MMP26: variants seen among roughly 807,000 people sequenced by gnomAD.
The protein encoded by MMP26 is matrix metallopeptidase 26.
MMP26 carries 33 observed loss-of-function variants against 31.0 expected under a neutral mutation model. That is an observed-to-expected ratio of 1.06 (90% confidence interval 0.81 to 1.42). The LOEUF is 1.42. MMP26 is among the 40% of genes most tolerant of loss of function. MMP26 has a pLI of 0.00. For missense variants in MMP26, 347 were observed against 316.1 expected (o/e 1.10, Z -0.74); for synonymous variants, 122 against 114.9 (o/e 1.06, Z -0.40).
intron 1 of MMP26, among the ~76,000 whole-genome samples, chr11:4,715,280 C>T (rs1027150151): frequency 3.4e-5 from 5 of 147,674 alleles, no homozygotes; most frequent in Non-Finnish European, 7.4e-5. Flanking sequence ...ATTTTAGATG[C>T]ATAAATATAA....
chr11:4,715,322 T>C (rs1006606744), intron 1 of MMP26, among the ~76,000 whole-genome samples: 1 of 126,370 alleles, frequency 7.9e-6, no homozygotes, highest in African/African-American at 3.0e-5. Context: ...TGTTATCAAA[T>C]AAAGTCTTTT....
At chr11:4,806,419 A>G (rs1343600617) in intron 2 of MMP26, among the ~76,000 whole-genome samples, 1 of 152,098 alleles carries the variant, frequency 6.6e-6, no homozygotes, top group Non-Finnish European at 1.5e-5. Flanking sequence ...TATTGGGTGC[A>G]TATATATTTA....
Position 4,990,659 on chromosome 11 carries a change from G to A in MMP26, c.382G>A (p.Val128Ile). 1 of 1,614,122 alleles carries A rather than the reference G, an allele frequency of 6.2e-7. No homozygotes were observed. Among genetic ancestry groups the A allele is most frequent in the East Asian group, 2.2e-5 (1 of 44,862 alleles). ...AGTGAAAGACAGTATATATAATGCAGTTTCCATCTGGAGCAATGTGACCCC... is the reference window on the plus strand; with the variant it reads ...AGTGAAAGACAGTATATATAATGCAATTTCCATCTGGAGCAATGTGACCCC... The part of the protein sequence containing the change: ...SAVKDSIYNA[V>I]SIWSNVTPLI... Residue 128 changes from valine (V) to isoleucine (I), a missense_variant, in exon 5 of 8, where the codon GTT becomes ATT. Coordinates refer to ENST00000380390, the MANE Select transcript of MMP26 (RefSeq NM_021801.5).
chr11:4,761,032 T>G (rs1848563899), intron 1 of MMP26, among the ~76,000 whole-genome samples: 1 of 152,040 alleles, frequency 6.6e-6, no homozygotes, highest in Admixed American at 6.6e-5. Flanking sequence ...ACCATAGAAG[T>G]GAACAAAACA....
intron 2 of MMP26, among the ~76,000 whole-genome samples, chr11:4,867,756 G>T (rs866613477): frequency 7.2e-5 from 11 of 152,034 alleles, no homozygotes; most frequent in African/African-American, 2.7e-4. Context: ...ATGCTGGCAA[G>T]GTTCTGAAGA....
intron 2 of MMP26, among the ~76,000 whole-genome samples, chr11:4,905,752 C>T (rs758561429): frequency 6.6e-6 from 1 of 152,026 alleles, no homozygotes; most frequent in Non-Finnish European, 1.5e-5. Flanking sequence ...ATTTGTGTTT[C>T]TCTGACAGTT....
chr11:4,908,200 T>G (rs768908669), intron 2 of MMP26: 40 of 1,614,094 alleles, frequency 2.5e-5, no homozygotes, highest in Non-Finnish European at 3.3e-5. Flanking sequence ...TTATTGCAGA[T>G]ATGTTCTTGT....
intron 2 of MMP26, among the ~76,000 whole-genome samples, chr11:4,810,946 A>C (rs1203901737): frequency 6.6e-6 from 1 of 152,240 alleles, no homozygotes; most frequent in African/African-American, 2.4e-5. Context: ...CAAAATACAA[A>C]GTGCAACATA....
At chr11:4,845,147 C>A (rs1180403676) in intron 2 of MMP26, among the ~76,000 whole-genome samples, 1 of 151,992 alleles carries the variant, frequency 6.6e-6, no homozygotes, top group Non-Finnish European at 1.5e-5. Context: ...AAAAAGTAAT[C>A]TCATTTACAA....
intron 2 of MMP26, among the ~76,000 whole-genome samples, chr11:4,831,602 A>G (rs1277249539): frequency 6.6e-6 from 1 of 152,194 alleles, no homozygotes; most frequent in Non-Finnish European, 1.5e-5. Flanking sequence ...TTGACTCTGC[A>G]TTACAGTTTG....
intron 2 of MMP26, among the ~76,000 whole-genome samples, chr11:4,777,847 T>A (rs1848808926): frequency 6.6e-6 from 1 of 152,120 alleles, no homozygotes; most frequent in Non-Finnish European, 1.5e-5. Context: ...TCCATCCTGT[T>A]GTTGATGGAT....
chr11:4,768,532 C>T (rs1365437329), intron 2 of MMP26, among the ~76,000 whole-genome samples: 1 of 152,184 alleles, frequency 6.6e-6, no homozygotes, highest in East Asian at 1.9e-4. Context: ...ATTTGAGATA[C>T]AGAACACCTG....
intron 2 of MMP26, among the ~76,000 whole-genome samples, chr11:4,776,140 G>A (rs2133427506): frequency 6.6e-6 from 1 of 152,038 alleles, no homozygotes; most frequent in South Asian, 2.1e-4. Flanking sequence ...TCTTTTTTGT[G>A]ACCAAGTAGT....
In MMP26 at chr11:4,827,920, C is replaced by A. The variant is rs1849599903; in HGVS notation, c.-145+60579C>A. 7.3e-5 allele frequency among the ~76,000 whole-genome samples: 11 copies of A among 151,494 alleles called. No homozygotes were observed. In the Middle Eastern group the frequency reaches 0.014, roughly 193 times the overall value. On this transcript the variant is annotated intron_variant, in intron 2 of 7. Transcript: ENST00000380390. ...TTTTTTGACCTGGTGACCCTGTAGC[C>A]TTTTCTGGATCTGGAGACCAATTAA...
In MMP26 at chr11:4,769,823, G is replaced by A. The variant is rs148685376; in HGVS notation, c.-145+2482G>A. 5 of 1,612,758 alleles carry A rather than the reference G, an allele frequency of 3.1e-6. No homozygotes were observed. Among genetic ancestry groups the A allele is most frequent in the Non-Finnish European group, 4.2e-6 (5 of 1,178,894 alleles). ...GGCAATGGCATAAAAACAACAGAAA[G>A]GAATGGAGATCCAGACATGGGCAGA... On this transcript the variant is annotated intron_variant, in intron 2 of 7. Coordinates refer to ENST00000380390, the MANE Select transcript of MMP26 (RefSeq NM_021801.5).
intron 2 of MMP26, chr11:4,793,650 T>A (rs1362773635): frequency 6.6e-6 from 1 of 152,214 alleles, no homozygotes; most frequent in Non-Finnish European, 1.5e-5. Context: ...CTCACATAGA[T>A]TATTTCATGA....
At chr11:4,709,828 T>C (rs1354398023) in intron 1 of MMP26, 5 of 457,282 alleles carry the variant, frequency 1.1e-5, no homozygotes, top group Non-Finnish European at 2.2e-5. Flanking sequence ...CTGGGTATTT[T>C]CTGGTTCAAT....
intron 1 of MMP26, among the ~76,000 whole-genome samples, chr11:4,717,527 T>C (rs1322483963): frequency 7.1e-6 from 1 of 140,950 alleles, no homozygotes; most frequent in Non-Finnish European, 1.5e-5. Context: ...TTCCATGTTG[T>C]TTTTTTTTTT....
At chr11:4,962,159 G>C (rs903970904) in intron 2 of MMP26, among the ~76,000 whole-genome samples, 1 of 152,154 alleles carries the variant, frequency 6.6e-6, no homozygotes, top group Non-Finnish European at 1.5e-5. Context: ...TCAGTGTGTA[G>C]TGTGCTCCTT....
Sources: gnomAD v4.1 joint callset for allele counts (sites outside exome capture counted in the v4.1 genomes callset) on GRCh38, gnomAD v4.1.1 for gene constraint, MANE v1.5 for transcripts, NCBI Gene and HGNC (gene_info 2026-07-23, HGNC 2026-07-21) for gene names.